ATP2A3: variants seen among roughly 807,000 people sequenced by gnomAD.
ATP2A3 encodes the protein sarcoplasmic/endoplasmic reticulum calcium ATPase 3.
ATP2A3 carries 61 observed loss-of-function variants against 106.8 expected under a neutral mutation model. The observed-to-expected ratio is 0.57, with a 90% CI of 0.46 to 0.71. The LOEUF is 0.71. ATP2A3 is among the 30% of genes least tolerant of loss of function. The probability of loss-of-function intolerance (pLI) is 0.00; values close to 1 mark genes in which losing one functional copy is unlikely to be tolerated. For missense variants in ATP2A3, 1,201 were observed against 1,423.5 expected (o/e 0.84, Z 2.52); for synonymous variants, 611 against 609.3 (o/e 1.00, Z -0.04).
At chr17:3,954,442 T>C (rs7210958) in intron 1 of ATP2A3, among the ~76,000 whole-genome samples, 9,714 of 130,324 alleles carry the variant, frequency 0.075, 1,164 homozygotes, top group African/African-American at 0.26. Context: ...CCACACAACA[T>C]GGTGAAGAAC....
In ATP2A3 at chr17:3,930,437, G is replaced by A. The variant is rs376219456; in HGVS notation, c.2611-3C>T. On this transcript the variant is annotated splice_region_variant and splice_polypyrimidine_tract_variant and intron_variant, in intron 17 of 20. Coordinates refer to ENST00000397041, the MANE Select transcript of ATP2A3 (RefSeq NM_005173.4). The surrounding 1 kb of genome is among the most constrained non-coding windows in gnomAD (Gnocchi z 5.4). ...TCGGAGCACTTCAGGAAGTTCCTCTGGGGGCACCGTGGCAGGTCAGAGAGA... is the reference window on the plus strand; with the variant it reads ...TCGGAGCACTTCAGGAAGTTCCTCTAGGGGCACCGTGGCAGGTCAGAGAGA... The A allele has an allele frequency of 1.2e-6, 2 of 1,613,786 alleles. No individual in the cohort carries two copies. The highest frequency in any genetic ancestry group is 1.7e-6 in the Non-Finnish European group (2 of 1,180,010).
chr17:3,951,414 A>G (rs766175259), intron 4 of ATP2A3, 25 bp from the exon 5 acceptor site: 10 of 1,613,434 alleles, frequency 6.2e-6, no homozygotes, highest in Non-Finnish European at 8.5e-6. Context: ...GCCGGCAGGC[A>G]GTCTGTCCCT....
At chr17:3,956,675 A>C (rs1280592762) in intron 1 of ATP2A3, among the ~76,000 whole-genome samples, 1 of 152,248 alleles carries the variant, frequency 6.6e-6, no homozygotes, top group African/African-American at 2.4e-5. Context: ...AGGAAGGCAC[A>C]GAGCACCCGG....
rs896443673 is a variant in ATP2A3 at position 3,926,703 on chromosome 17, G to A, written c.2981-1262C>T. ...TCCTGCCTCAGCCTCCCGAGTAGCT[G>A]GGATTATAGGCACCTGCCACCACGC... On this transcript the variant is annotated intron_variant, in intron 20 of 20. Coordinates refer to ENST00000397041, the MANE Select transcript of ATP2A3 (RefSeq NM_005173.4). The surrounding 1 kb of genome is among the most constrained non-coding windows in gnomAD (Gnocchi z 4.6). 8.2e-6 allele frequency: 2 copies of A among 244,082 alleles called. No homozygotes were observed. The highest frequency in any genetic ancestry group is 2.3e-5 in the African/African-American group (1 of 42,894). The allele number at this position is 244,082 out of a possible 1,614,324, so 15.1% of individuals were successfully genotyped here. A position where few individuals can be genotyped will look rare whatever the true frequency, so the allele number is the denominator to read the frequency against.
rs753858633 is a variant in ATP2A3 at position 3,930,325 on chromosome 17, A to G, written c.2720T>C (p.Ile907Thr). The change falls in exon 18 of 21, where the codon ATT (isoleucine) becomes ACT (threonine). Residue 907 changes from isoleucine to threonine, a missense_variant. Transcript: ENST00000397041. This position sits in a 1 kb window ranked among gnomAD's most constrained non-coding sequence, Gnocchi z 5.4. Reference sequence around the variant, plus strand: ...CCTGTTGAGGGCATTGCACATTTCAATGGTCACGAGCACGGACAAGGCCAT... The same window carrying G: ...CCTGTTGAGGGCATTGCACATTTCAGTGGTCACGAGCACGGACAAGGCCAT... ...TTMALSVLVT[I>T]EMCNALNSVS... 2.2e-5 allele frequency: 36 copies of G among 1,606,168 alleles called. No homozygotes were observed. Among genetic ancestry groups the G allele is most frequent in the African/African-American group, 5.3e-5 (4 of 74,822 alleles).
At position 3,929,374 on chromosome 17, in the gene ATP2A3, A is replaced by G. The variant is rs374763417; in HGVS notation, c.2816T>C (p.Met939Thr). 3.2e-6 allele frequency: 5 copies of G among 1,573,548 alleles called. No homozygotes were observed. The African/African-American group carries it at 6.8e-5, about 21-fold the overall frequency. Residue 939 changes from methionine to threonine, a missense_variant, in exon 19 of 21, where the codon ATG (methionine) becomes ACG (threonine). By Grantham distance (81) the Met-to-Thr change is moderately conservative. Coordinates refer to ENST00000397041, the MANE Select transcript of ATP2A3 (RefSeq NM_005173.4). The surrounding 1 kb of genome is among the most constrained non-coding windows in gnomAD (Gnocchi z 4.3). The part of the protein sequence containing the change: ...MNPWLLVAVA[M>T]SMALHFLILL... ...GATGAGGAAGTGCAGGGCCATGGACATGGCCACAGCCACCAGCAGCCAGGG... is the reference window on the plus strand; with the variant it reads ...GATGAGGAAGTGCAGGGCCATGGACGTGGCCACAGCCACCAGCAGCCAGGG...
In ATP2A3 at chr17:3,944,766, C is replaced by A. The variant is rs757183845; in HGVS notation, c.1225G>T (p.Gly409Trp). Residue 409 changes from glycine to tryptophan, a missense_variant, in exon 10 of 21, where the codon GGG (glycine) becomes TGG (tryptophan). Around this residue, in one of 2 missense-constraint regions of ATP2A3, gnomAD observed 935 missense variants for 1,176.7 expected, o/e 0.79. Coordinates refer to ENST00000397041, the MANE Select transcript of ATP2A3 (RefSeq NM_005173.4). ...CAGATGGTCGCCAGCTCCACCAGCC[C>A]GTCGAACTGGCCGCAGCGCACAGGC... is the stretch of plus-strand genomic sequence containing the variant. ...DQPVRCGQFDGLVELATICAL... is the reference protein window; with the variant it reads ...DQPVRCGQFDWLVELATICAL... The A allele has an allele frequency of 1.2e-6, 2 of 1,612,876 alleles. No individual in the cohort carries two copies. Among genetic ancestry groups the A allele is most frequent in the East Asian group, 2.2e-5 (1 of 44,856 alleles).
At position 3,947,266 on chromosome 17, in the gene ATP2A3, G is replaced by T; in HGVS notation, c.1095+125C>A. On this transcript the variant is annotated intron_variant, in intron 8 of 20. Transcript: ENST00000397041. The surrounding 1 kb of genome is among the most constrained non-coding windows in gnomAD (Gnocchi z 7.7). The stretch of plus-strand genomic sequence containing the variant: ...CTTGTGAAAACCTGGACCTGCTCTG[G>T]GCCAAGGGACAGCCCACAGATTCTC... The T allele has an allele frequency of 8.2e-7, 1 of 1,215,916 alleles. No individual in the cohort carries two copies. Among genetic ancestry groups the T allele is most frequent in the Non-Finnish European group, 1.2e-6 (1 of 848,652 alleles). 75.3% of individuals were successfully genotyped at this position (1,215,916 alleles called of 1,614,324 possible). A position where few individuals can be genotyped will look rare whatever the true frequency, so the allele number is the denominator to read the frequency against.
rs139066738 is a variant in ATP2A3 at position 3,930,246 on chromosome 17, C to T, written c.2744+55G>A. 11,892 of 1,372,714 alleles carry T rather than the reference C, an allele frequency of 8.7e-3. 276 individuals carry two copies. Among genetic ancestry groups the T allele is most frequent in the South Asian group, 0.034 (2,163 of 64,196 alleles). 85.0% of individuals were successfully genotyped at this position (1,372,714 alleles called of 1,614,324 possible). A position where few individuals can be genotyped will look rare whatever the true frequency, so the allele number is the denominator to read the frequency against. The stretch of plus-strand genomic sequence containing the variant: ...CCCTCAGACACTGATACTGGAACCC[C>T]CAGCCCTCAGCCCCCACTCCTCGGC... On this transcript the variant is annotated intron_variant, in intron 18 of 20. Transcript: ENST00000397041. This position sits in a 1 kb window ranked among gnomAD's most constrained non-coding sequence, Gnocchi z 5.4.
chr17:3,945,695 C>G (rs1339428598), intron 8 of ATP2A3, among the ~76,000 whole-genome samples: 1 of 152,348 alleles, frequency 6.6e-6, no homozygotes, highest in East Asian at 1.9e-4. Context: ...CTGTGCACCT[C>G]AGGAACAGGA....
chr17:3,960,957 T>C (rs2055104665), intron 1 of ATP2A3, among the ~76,000 whole-genome samples: 1 of 152,174 alleles, frequency 6.6e-6, no homozygotes, highest in African/African-American at 2.4e-5. Flanking sequence ...AACACAAGCG[T>C]CCACCAGAAG....
In ATP2A3 at chr17:3,925,320, G is replaced by T. The variant is rs911046732; in HGVS notation, c.*102C>A. The T allele has an allele frequency of 1.3e-5, 20 of 1,599,066 alleles. No individual in the cohort carries two copies. The highest frequency in any genetic ancestry group is 1.7e-5 in the Non-Finnish European group (20 of 1,169,568). On this transcript the variant is annotated 3_prime_UTR_variant, in exon 21 of 21. Transcript: ENST00000397041. The surrounding 1 kb of genome is among the most constrained non-coding windows in gnomAD (Gnocchi z 4.2). ...GTCATTTATCCGGCGGGACCCGGTG[G>T]GCAAGTGGGCGAGTGTGGTGGCAAG...
chr17:3,934,522 C>CTTTT (rs111586874), intron 17 of ATP2A3, among the ~76,000 whole-genome samples: 6 of 123,394 alleles, frequency 4.9e-5, no homozygotes, highest in Non-Finnish European at 6.7e-5. Flanking sequence ...CCCCTCGATT[C>CTTTT]TTTTTTTTTT....
chr17:3,949,805 T>C (rs1314797678), intron 7 of ATP2A3, among the ~76,000 whole-genome samples: 2 of 152,192 alleles, frequency 1.3e-5, no homozygotes, highest in Non-Finnish European at 2.9e-5. Context: ...TTATTATTAC[T>C]ATAAATTTGC....
rs2052948127 is a variant in ATP2A3, at chr17:3,929,835, A to C, written c.2745-390T>G. 7.1e-6 allele frequency among the ~76,000 whole-genome samples: 1 copy of C among 140,152 alleles called. No individual in the cohort carries two copies. Among genetic ancestry groups the C allele is most frequent in the African/African-American group, 2.7e-5 (1 of 36,454 alleles). 91.9% of individuals were successfully genotyped at this position (140,152 alleles called of 152,430 possible). On this transcript the variant is annotated intron_variant, in intron 18 of 20. Coordinates refer to ENST00000397041, the MANE Select transcript of ATP2A3 (RefSeq NM_005173.4). The surrounding 1 kb of genome is among the most constrained non-coding windows in gnomAD (Gnocchi z 4.3). ...CCAGACCTTTGTTCTGGACCCCTCT[A>C]ACTCCCAGACCTCAGTCCTGGACTC...
chr17:3,936,561 A>C lies in ATP2A3; in HGVS notation c.2322-92T>G. On this transcript the variant is annotated intron_variant, in intron 15 of 20. Coordinates refer to ENST00000397041, the MANE Select transcript of ATP2A3 (RefSeq NM_005173.4). The surrounding 1 kb of genome is among the most constrained non-coding windows in gnomAD (Gnocchi z 5.4). ...TGCTCAGACCCAAGGCTGGGAGCTC[A>C]CCCACCCACTGTCTCCACAGCAGCC... The C allele has an allele frequency of 7.3e-7, 1 of 1,379,178 alleles. No homozygotes were observed. 85.4% of individuals were successfully genotyped at this position (1,379,178 alleles called of 1,614,324 possible). A position where few individuals can be genotyped will look rare whatever the true frequency, so the allele number is the denominator to read the frequency against.
Position 3,942,634 on chromosome 17 carries a change from G to GC in ATP2A3, c.1516_1517insG (p.Thr506SerfsTer14). 1 of 1,612,824 alleles carries GC rather than the reference G, an allele frequency of 6.2e-7. No individual in the cohort carries two copies. The highest frequency in any genetic ancestry group is 1.1e-5 in the South Asian group (1 of 91,078). ...CACAAACATCTTGCTGCCCTGGCCA[G>GC]TAGGGTGAGGGCGGGTGGGCGTGCA... On this transcript the variant is annotated frameshift_variant, in exon 12 of 21. Transcript: ENST00000397041. LOFTEE classifies it high-confidence loss of function.
At chr17:3,948,458 C>T (rs574357242) in intron 7 of ATP2A3, among the ~76,000 whole-genome samples, 8 of 152,092 alleles carry the variant, frequency 5.3e-5, no homozygotes, top group African/African-American at 1.2e-4. Context: ...TTGGGGCTGG[C>T]GAGAAGGCAG....
Position 3,928,434 on chromosome 17 carries a change from TC to T in ATP2A3, c.2980+228del. 8.4e-7 allele frequency: 1 copy of T among 1,186,286 alleles called. No homozygotes were observed. The highest frequency in any genetic ancestry group is 1.2e-6 in the Non-Finnish European group (1 of 821,076). 73.5% of individuals were successfully genotyped at this position (1,186,286 alleles called of 1,614,324 possible). A position where few individuals can be genotyped will look rare whatever the true frequency, so the allele number is the denominator to read the frequency against. ...TGAGGCAGTGTGGCCCAAGAGGTGC[TC>T]CCGTTGCTGGCCCAGTGAGCCCAGG... On this transcript the variant is annotated intron_variant, in intron 20 of 20. Coordinates refer to ENST00000397041, the MANE Select transcript of ATP2A3 (RefSeq NM_005173.4). This position sits in a 1 kb window ranked among gnomAD's most constrained non-coding sequence, Gnocchi z 6.1.
Sources: gnomAD v4.1 joint callset for allele counts (sites outside exome capture counted in the v4.1 genomes callset) on GRCh38, gnomAD v4.1.1 for gene constraint, gnomAD v4.1.1 regional missense constraint, Gnocchi (gnomAD v3.1) non-coding constraint, MANE v1.5 for transcripts, NCBI Gene and HGNC (gene_info 2026-07-23, HGNC 2026-07-21) for gene names.